FANCA: variants seen among roughly 807,000 people sequenced by gnomAD.
FANCA encodes FA complementation group A.
A neutral mutation model predicts 194.3 loss-of-function variants in FANCA; 236 were observed. The ratio of observed to expected loss-of-function variants is 1.21; its 90% CI spans 1.09 to 1.35. FANCA has a LOEUF of 1.35. FANCA is among the 40% of genes most tolerant of loss of function. The pLI, the probability that FANCA is intolerant of heterozygous loss-of-function variation, is 0.00. For synonymous variants in FANCA, 1,014 were observed against 715.8 expected, an observed-to-expected ratio of 1.42 and a Z score of -6.65; for missense variants, 2,628 against 1,813.9, an observed-to-expected ratio of 1.45 and a Z score of -8.15.
chr16:89,786,954 C>T (rs376282301), intron 14 of FANCA, among the ~76,000 whole-genome samples: 4 of 152,186 alleles, frequency 2.6e-5, no homozygotes, highest in South Asian at 2.1e-4. Flanking sequence ...CTCTTGGCAA[C>T]GTTCACTCAA....
intron 3 of FANCA, among the ~76,000 whole-genome samples, chr16:89,813,429 G>C (rs35256109): frequency 0.062 from 9,236 of 148,600 alleles, 455 homozygotes; most frequent in East Asian, 0.25. Flanking sequence ...AAAAAAAGTA[G>C]ACAATGCCAT....
chr16:89,747,922 TTTTA>T (rs1438974288), intron 33 of FANCA, among the ~76,000 whole-genome samples: 3 of 151,992 alleles, frequency 2.0e-5, no homozygotes, highest in Non-Finnish European at 4.4e-5. Flanking sequence ...TGTCACTTCT[TTTTA>T]TTTGAGACAA....
At position 89,783,327 on chromosome 16, in the gene FANCA, G is replaced by A. The variant is rs12928089; in HGVS notation, c.1471-225C>T. Among the ~76,000 whole-genome samples, 67,831 of 151,276 alleles carry A rather than the reference G, an allele frequency of 0.45. 17,153 individuals are homozygous for A. Among genetic ancestry groups the A allele is most frequent in the East Asian group, 0.76 (3,852 of 5,078 alleles). ...GCACTTTGGGAGGCTGAGGCGGGCA[G>A]ATCACGAGGTCAGGAGATGGAGACC... On this transcript the variant is annotated intron_variant, in intron 15 of 42. Coordinates refer to ENST00000389301, the MANE Select transcript of FANCA (RefSeq NM_000135.4).
chr16:89,816,380 C>G lies in FANCA; in HGVS notation c.79+157G>C, dbSNP rs2143728901. On this transcript the variant is annotated intron_variant, in intron 1 of 42. Transcript: ENST00000389301. ...CAGGAGGGGCCGGGTCCGAGGCAGC[C>G]GCGCCGCCCCAGCCGGGCGCCCACC... The G allele has an allele frequency of 6.1e-6, 3 of 490,718 alleles. 1 individual carries two copies. Among genetic ancestry groups the G allele is most frequent in the Middle Eastern group, 1.4e-3 (2 of 1,404 alleles). The allele number at this position is 490,718 out of a possible 1,614,324, so 30.4% of individuals were successfully genotyped here.
chr16:89,759,592 T>C (rs919090400), intron 29 of FANCA, among the ~76,000 whole-genome samples: 1 of 151,428 alleles, frequency 6.6e-6, no homozygotes, highest in Non-Finnish European at 1.5e-5. Context: ...GAGACCCCAT[T>C]CCTACAAAAA....
chr16:89,792,636 G>C, intron 11 of FANCA, 89 bp from the exon 12 acceptor site: 1 of 1,067,806 alleles, frequency 9.4e-7, no homozygotes, highest in Non-Finnish European at 1.4e-6. Context: ...GGGTCGGTGG[G>C]TCTCTCCCCG....
chr16:89,763,219 C>T (rs1419681047), intron 28 of FANCA, among the ~76,000 whole-genome samples: 1 of 151,458 alleles, frequency 6.6e-6, no homozygotes, highest in Non-Finnish European at 1.5e-5. Context: ...TGCACTCCAG[C>T]CTGGGCAACA....
At chr16:89,802,366 G>A (rs181828261) in intron 8 of FANCA, among the ~76,000 whole-genome samples, 2 of 151,750 alleles carry the variant, frequency 1.3e-5, no homozygotes, top group African/African-American at 2.4e-5. Context: ...GCCTCCCAAA[G>A]TGCTGGATTA....
At chr16:89,803,206 T>C in intron 8 of FANCA, 53 bp downstream of exon 8, 1 of 1,524,472 alleles carries the variant, frequency 6.6e-7, no homozygotes, top group Non-Finnish European at 9.1e-7. Context: ...TTTCAACACT[T>C]GGAATAAGGA....
chr16:89,791,513 G>C lies in FANCA; in HGVS notation c.1249C>G (p.Gln417Glu). The C allele has an allele frequency of 6.2e-7, 1 of 1,614,140 alleles. No individual in the cohort carries two copies. The highest frequency in any genetic ancestry group is 8.5e-7 in the Non-Finnish European group (1 of 1,180,032). ...TCCAGCTGGCAGCTCTCGAATGCCTGGGCCATCAAACGCGCCACCCAGTCT... is the reference window on the plus strand; with the variant it reads ...TCCAGCTGGCAGCTCTCGAATGCCTCGGCCATCAAACGCGCCACCCAGTCT... ...LEDWVARLMA[Q>E]AFESCQLDSM... Residue 417 changes from glutamine (Q) to glutamate (E), a missense_variant, in exon 14 of 43, where the codon CAG (glutamine) becomes GAG (glutamate). Physicochemically the swap from Gln to Glu is conservative, Grantham distance 29. Coordinates refer to ENST00000389301, the MANE Select transcript of FANCA (RefSeq NM_000135.4).
chr16:89,777,664 T>C (rs1000999096), intron 20 of FANCA, among the ~76,000 whole-genome samples: 5 of 152,124 alleles, frequency 3.3e-5, no homozygotes, highest in African/African-American at 1.2e-4. Context: ...TACTTTCCTA[T>C]TTCTTCCAAA....
In FANCA at chr16:89,737,804, A is replaced by C. The variant is rs763883655; in HGVS notation, c.*797T>G. 6.2e-7 allele frequency: 1 copy of C among 1,614,104 alleles called. No individual in the cohort carries two copies. Among genetic ancestry groups the C allele is most frequent in the Non-Finnish European group, 8.5e-7 (1 of 1,180,004 alleles). On this transcript the variant is annotated 3_prime_UTR_variant, in exon 43 of 43. Coordinates refer to ENST00000389301, the MANE Select transcript of FANCA (RefSeq NM_000135.4). ...TGGACTCACTGGACTCTCCCCTCTC[A>C]GAGGTGCGGAACTATATCTGTGACG...
At chr16:89,805,649 TGGACTCAAACTCCC>T in intron 6 of FANCA, among the ~76,000 whole-genome samples, 1 of 152,118 alleles carries the variant, frequency 6.6e-6, no homozygotes, top group Non-Finnish European at 1.5e-5. Flanking sequence ...TTGCCCAGGC[TGGACTCAAACTCCC>T]GGGCTCAAAA....
chr16:89,758,249 T>G (rs2038828939), intron 30 of FANCA, among the ~76,000 whole-genome samples: 1 of 152,216 alleles, frequency 6.6e-6, no homozygotes, highest in Admixed American at 6.5e-5. Context: ...ATTTGCTATG[T>G]GATAGGCTCA....
At chr16:89,785,252 A>G (rs2039859076) in intron 14 of FANCA, among the ~76,000 whole-genome samples, 1 of 152,266 alleles carries the variant, frequency 6.6e-6, no homozygotes, top group African/African-American at 2.4e-5. Context: ...AGAGATATCT[A>G]AAAGTTATTC....
In FANCA at chr16:89,773,294, A is replaced by ATGGAGGCTCTCAGCTCTCCCAGTGC; in HGVS notation, c.1966_1990dup (p.Met664SerfsTer16). On this transcript the variant is annotated frameshift_variant, in exon 22 of 43. Transcript: ENST00000389301. LOFTEE classifies it high-confidence loss of function. ...ACCATCACGCTGGCTGGGGTCTGTC[A>ATGGAGGCTCTCAGCTCTCCCAGTGC]TGGAGGCTCTCAGCTCTCCCAGTGC... The ATGGAGGCTCTCAGCTCTCCCAGTGC allele has an allele frequency of 6.4e-7, 1 of 1,551,328 alleles. No individual in the cohort carries two copies. Among genetic ancestry groups the ATGGAGGCTCTCAGCTCTCCCAGTGC allele is most frequent in the Non-Finnish European group, 8.7e-7 (1 of 1,146,906 alleles).
chr16:89,762,536 G>C (rs572680776), intron 28 of FANCA: 2 of 224,192 alleles, frequency 8.9e-6, no homozygotes, highest in African/African-American at 2.4e-5. Context: ...CAAGGCTGCA[G>C]TGAGTAACAG....
intron 14 of FANCA, among the ~76,000 whole-genome samples, chr16:89,790,120 G>A (rs535594937): frequency 3.2e-4 from 48 of 152,344 alleles, no homozygotes; most frequent in African/African-American, 7.9e-4. Context: ...AGAGACGCAA[G>A]GCTGGGCACG....
chr16:89,748,002 C>G (rs191745162), intron 33 of FANCA, among the ~76,000 whole-genome samples: 1 of 152,314 alleles, frequency 6.6e-6, no homozygotes, highest in East Asian at 1.9e-4. Flanking sequence ...AACTCTGCCT[C>G]CTGGGCTCAA....
Sources: gnomAD v4.1 joint callset for allele counts (sites outside exome capture counted in the v4.1 genomes callset) on GRCh38, gnomAD v4.1.1 for gene constraint, MANE v1.5 for transcripts, NCBI Gene and HGNC (gene_info 2026-07-23, HGNC 2026-07-21) for gene names.